Variants in COL5A2 observed in about 807,000 individuals in gnomAD.
COL5A2 encodes collagen alpha-2(V) chain.
A neutral mutation model predicts 208.2 loss-of-function variants in COL5A2; 23 were observed. The ratio of observed to expected loss-of-function variants is 0.11; its 90% CI spans 0.08 to 0.16. The LOEUF is 0.16. Ranked by LOEUF, COL5A2 falls within the 10% of genes least tolerant of loss-of-function variation. The probability of loss-of-function intolerance (pLI) is 1.00; values close to 1 mark genes in which losing one functional copy is unlikely to be tolerated. For synonymous variants in COL5A2, 625 were observed against 628.5 expected, an observed-to-expected ratio of 0.99 and a Z score of 0.08; for missense variants, 1,590 against 1,956.4, an observed-to-expected ratio of 0.81 and a Z score of 3.53.
chr2:189,124,963 A>T (rs1687580037), intron 1 of COL5A2, among the ~76,000 whole-genome samples: 1 of 152,186 alleles, frequency 6.6e-6, no homozygotes, highest in Non-Finnish European at 1.5e-5. Context: ...TCTAAGTATG[A>T]TCCATTTGCA....
At chr2:189,075,490 T>C in intron 16 of COL5A2, 53 bp from the exon 17 acceptor site, 2 of 1,400,514 alleles carry the variant, frequency 1.4e-6, no homozygotes, top group Non-Finnish European at 2.0e-6. Context: ...TTAGACTATA[T>C]TTTCTCTTAT....
chr2:189,360,030 T>G, the COL5A2 span, among the ~76,000 whole-genome samples: 1 of 152,142 alleles, frequency 6.6e-6, no homozygotes, highest in African/African-American at 2.4e-5. Flanking sequence ...ATTGATCTTT[T>G]TTAAGTCTCC....
chr2:189,221,372 A>G (rs975253420), intron 1 of COL5A2, among the ~76,000 whole-genome samples: 3 of 152,144 alleles, frequency 2.0e-5, no homozygotes, highest in Non-Finnish European at 4.4e-5. Context: ...TTGGAAATGG[A>G]TAAAGACCTA....
At chr2:189,207,934 CT>C (rs1438026949) in intron 1 of COL5A2, among the ~76,000 whole-genome samples, 2 of 152,180 alleles carry the variant, frequency 1.3e-5, no homozygotes, top group African/African-American at 4.8e-5. Context: ...TTTGACTCAA[CT>C]TTAATTGTTA....
chr2:189,239,947 T>C, the COL5A2 span, among the ~76,000 whole-genome samples: 4,079 of 152,204 alleles, frequency 0.027, 71 homozygotes, highest in Admixed American at 0.044. Flanking sequence ...TTCAGACTTC[T>C]TCCTCCAGAA....
At chr2:189,405,858 T>A in the COL5A2 span, among the ~76,000 whole-genome samples, 9 of 152,346 alleles carry the variant, frequency 5.9e-5, no homozygotes, top group South Asian at 1.7e-3. Context: ...GTAAAACCCA[T>A]GTCAAGACTT....
the COL5A2 span, among the ~76,000 whole-genome samples, chr2:189,357,945 C>T: frequency 9.2e-5 from 14 of 151,996 alleles, no homozygotes; most frequent in Non-Finnish European, 2.1e-4. Flanking sequence ...CCTCATGGCA[C>T]AGCCCCTCAC....
chr2:189,048,674 GTCT>G (rs1180217938), intron 44 of COL5A2, among the ~76,000 whole-genome samples: 2 of 152,006 alleles, frequency 1.3e-5, no homozygotes, highest in Non-Finnish European at 2.9e-5. Context: ...TTAAGAAATA[GTCT>G]TCCTTTTCTA....
chr2:189,350,645 A>G, the COL5A2 span, among the ~76,000 whole-genome samples: 1 of 152,138 alleles, frequency 6.6e-6, no homozygotes, highest in Non-Finnish European at 1.5e-5. Context: ...GAATGAACTG[A>G]GCTGTGGTCA....
At chr2:189,301,561 A>G in the COL5A2 span, among the ~76,000 whole-genome samples, 1 of 152,176 alleles carries the variant, frequency 6.6e-6, no homozygotes, top group Non-Finnish European at 1.5e-5. Flanking sequence ...GTTTGCCCAA[A>G]TTTTATGGAC....
the COL5A2 span, among the ~76,000 whole-genome samples, chr2:189,360,727 T>C: frequency 6.6e-6 from 1 of 152,152 alleles, no homozygotes; most frequent in East Asian, 1.9e-4. Context: ...CATCTAAATA[T>C]CAAGACCCAC....
At chr2:189,430,560 A>C in the COL5A2 span, among the ~76,000 whole-genome samples, 1 of 152,232 alleles carries the variant, frequency 6.6e-6, no homozygotes, top group African/African-American at 2.4e-5. Context: ...CTGGCTCCGC[A>C]GGACCCACAC....
At chr2:189,400,269 C>T in the COL5A2 span, among the ~76,000 whole-genome samples, 1 of 152,156 alleles carries the variant, frequency 6.6e-6, no homozygotes, top group African/African-American at 2.4e-5. Flanking sequence ...TCAAACATTG[C>T]TTCTGCGCTA....
chr2:189,423,062 C>CA, the COL5A2 span, among the ~76,000 whole-genome samples: 1 of 150,232 alleles, frequency 6.7e-6, no homozygotes, highest in African/African-American at 2.4e-5. Flanking sequence ...AAATTCACCC[C>CA]AAAAAATGGA....
At chr2:189,292,571 A>T in the COL5A2 span, among the ~76,000 whole-genome samples, 24 of 152,174 alleles carry the variant, frequency 1.6e-4, no homozygotes, top group Non-Finnish European at 2.6e-4. Context: ...CTCACACCAG[A>T]TAGAATGGCA....
intron 46 of COL5A2, among the ~76,000 whole-genome samples, chr2:189,045,592 A>G (rs1031131054): frequency 2.6e-5 from 4 of 152,246 alleles, no homozygotes; most frequent in Non-Finnish European, 5.9e-5. Context: ...AAGTCAAAGC[A>G]TCAGTATCTT....
intron 1 of COL5A2, among the ~76,000 whole-genome samples, chr2:189,173,134 A>T (rs1688605916): frequency 6.6e-6 from 1 of 151,472 alleles, no homozygotes; most frequent in Non-Finnish European, 1.5e-5. Flanking sequence ...CCATACCCAG[A>T]TAAATTTTTT....
the COL5A2 span, among the ~76,000 whole-genome samples, chr2:189,396,810 T>G: frequency 6.6e-6 from 1 of 151,806 alleles, no homozygotes; most frequent in African/African-American, 2.4e-5. Context: ...CTGACCAATA[T>G]GGTGAAACAC....
chr2:189,231,602 G>A, the COL5A2 span, among the ~76,000 whole-genome samples: 1 of 151,588 alleles, frequency 6.6e-6, no homozygotes, highest in Non-Finnish European at 1.5e-5. Flanking sequence ...CCCAGCTTGA[G>A]TATCTTTTTT....
Sources: allele counts gnomAD v4.1 joint callset (sites outside exome capture counted in the v4.1 genomes callset), GRCh38; gene constraint gnomAD v4.1.1; transcripts MANE v1.5; gene names NCBI Gene and HGNC (gene_info 2026-07-23, HGNC 2026-07-21).